Variants in SREK1IP1 observed in about 807,000 individuals in gnomAD.
The protein encoded by SREK1IP1 is SREK1 interacting protein 1.
A neutral mutation model predicts 22.8 loss-of-function variants in SREK1IP1; 12 were observed. That is an observed-to-expected ratio of 0.53 (90% confidence interval 0.34 to 0.85). The LOEUF (loss-of-function observed/expected upper bound fraction) is 0.85. Among genes scored for constraint, SREK1IP1 ranks in the 40% least tolerant of loss-of-function variants. The pLI is 0.02. For missense variants in SREK1IP1, 147 were observed against 171.8 expected (o/e 0.86, Z 0.81); for synonymous variants, 53 against 52.7 (o/e 1.01, Z -0.02).
intron 2 of SREK1IP1, among the ~76,000 whole-genome samples, chr5:64,745,030 C>T (rs1344552763): frequency 6.6e-6 from 1 of 152,132 alleles, no homozygotes; most frequent in African/African-American, 2.4e-5. Flanking sequence ...CTGCCATCCC[C>T]AGGGCTTGAA....
chr5:64,754,450 C>T, intron 1 of SREK1IP1, 88 bp from the exon 2 acceptor site: 1 of 1,324,718 alleles, frequency 7.5e-7, no homozygotes, highest in South Asian at 1.2e-5. Context: ...TAAGAAAAAC[C>T]ATTTGTTATA....
At chr5:64,742,196 T>C (rs1282434117) in intron 2 of SREK1IP1, among the ~76,000 whole-genome samples, 3 of 152,174 alleles carry the variant, frequency 2.0e-5, no homozygotes, top group African/African-American at 7.2e-5. Flanking sequence ...TGTTCTACTG[T>C]ATGAAAATTA....
chr5:64,759,378 G>C (rs1417611139), intron 1 of SREK1IP1, among the ~76,000 whole-genome samples: 1 of 152,086 alleles, frequency 6.6e-6, no homozygotes, highest in Non-Finnish European at 1.5e-5. Flanking sequence ...TCCCTGCCTT[G>C]GGCTCCCGTG....
At chr5:64,725,487 G>C (rs1742246832) in intron 4 of SREK1IP1, among the ~76,000 whole-genome samples, 1 of 152,134 alleles carries the variant, frequency 6.6e-6, no homozygotes, top group African/African-American at 2.4e-5. Context: ...ATCTGAGACG[G>C]ATATAAAGGA....
At chr5:64,743,312 T>G (rs1181232253) in intron 2 of SREK1IP1, among the ~76,000 whole-genome samples, 1 of 152,228 alleles carries the variant, frequency 6.6e-6, no homozygotes, top group Non-Finnish European at 1.5e-5. Flanking sequence ...TACAGGTTCA[T>G]AGCCTAGCAA....
rs1019277547 is a variant in SREK1IP1 at position 64,723,479 on chromosome 5, C to T, written c.*905G>A. 1 of 152,508 alleles carries T rather than the reference C, an allele frequency of 6.6e-6. No homozygotes were observed. Among genetic ancestry groups the T allele is most frequent in the Non-Finnish European group, 1.5e-5 (1 of 68,004 alleles). 9.4% of individuals were successfully genotyped at this position (152,508 alleles called of 1,614,324 possible). On this transcript the variant is annotated 3_prime_UTR_variant, in exon 5 of 5. Transcript: ENST00000513458. ...TTTCCACAGTACTCATAGAAACAAG[C>T]TTCATAAAATTTATACTGAATACAA...
chr5:64,723,769 T>C lies in SREK1IP1; in HGVS notation c.*615A>G, dbSNP rs1482138880. The C allele has an allele frequency of 2.0e-5, 3 of 152,558 alleles. No homozygotes were observed. Among genetic ancestry groups the C allele is most frequent in the African/African-American group, 4.8e-5 (2 of 41,446 alleles). 9.5% of individuals were successfully genotyped at this position (152,558 alleles called of 1,614,324 possible). A position where few individuals can be genotyped will look rare whatever the true frequency, so the allele number is the denominator to read the frequency against. On this transcript the variant is annotated 3_prime_UTR_variant, in exon 5 of 5. Transcript: ENST00000513458. ...CATTTCATAGAAGAGTAAAACTTTG[T>C]TAGAGATATTTTCATGATCATCTAC...
At chr5:64,747,561 A>C (rs1453806805) in intron 2 of SREK1IP1, among the ~76,000 whole-genome samples, 1 of 152,198 alleles carries the variant, frequency 6.6e-6, no homozygotes, top group Non-Finnish European at 1.5e-5. Flanking sequence ...TGTTGGCAAA[A>C]AGGTAGAGAA....
chr5:64,739,266 C>T (rs548664833), intron 3 of SREK1IP1, among the ~76,000 whole-genome samples: 29 of 152,252 alleles, frequency 1.9e-4, no homozygotes, highest in African/African-American at 6.7e-4. Flanking sequence ...AGAAAGTTCT[C>T]AGCCTTTAAC....
intron 2 of SREK1IP1, among the ~76,000 whole-genome samples, chr5:64,751,010 G>A (rs1354220617): frequency 6.6e-6 from 1 of 151,986 alleles, no homozygotes; most frequent in Admixed American, 6.6e-5. Context: ...GACTACATTG[G>A]CTTTCTCTAT....
chr5:64,757,946 T>C (rs1339107756), intron 1 of SREK1IP1, among the ~76,000 whole-genome samples: 1 of 134,918 alleles, frequency 7.4e-6, no homozygotes, highest in African/African-American at 2.7e-5. Flanking sequence ...CTCAGCTCAC[T>C]GCAAGCTTGG....
rs1054346993 is a variant in SREK1IP1, at chr5:64,726,432, C to T, written c.278+1675G>A. On this transcript the variant is annotated intron_variant, in intron 4 of 4. Coordinates refer to ENST00000513458, the MANE Select transcript of SREK1IP1 (RefSeq NM_173829.4). ...GTACTAAAAATACAAAAAAATTAGTCGGGCATGGTGGTGGGCACCTGTAGT... is the reference window on the plus strand; with the variant it reads ...GTACTAAAAATACAAAAAAATTAGTTGGGCATGGTGGTGGGCACCTGTAGT... Among the ~76,000 whole-genome samples, 14 of 151,730 alleles carry T rather than the reference C, an allele frequency of 9.2e-5. 1 individual carries two copies. Among genetic ancestry groups the T allele is most frequent in the South Asian group, 2.1e-4 (1 of 4,784 alleles).
intron 2 of SREK1IP1, among the ~76,000 whole-genome samples, chr5:64,753,589 T>G (rs1451161632): frequency 6.6e-6 from 1 of 152,208 alleles, no homozygotes. Context: ...CACATGTTCT[T>G]GCATGAACAT....
intron 2 of SREK1IP1, among the ~76,000 whole-genome samples, chr5:64,747,219 A>C (rs904697325): frequency 5.9e-5 from 9 of 152,174 alleles, no homozygotes; most frequent in African/African-American, 2.2e-4. Context: ...ACTGGTGATT[A>C]AATTCAATCT....
intron 4 of SREK1IP1, among the ~76,000 whole-genome samples, chr5:64,725,494 A>C (rs1561382309): frequency 6.6e-6 from 1 of 152,214 alleles, no homozygotes; most frequent in Admixed American, 6.5e-5. Context: ...ACGGATATAA[A>C]GGAGGTGCCA....
At chr5:64,739,817 C>T (rs747262337) in intron 3 of SREK1IP1, among the ~76,000 whole-genome samples, 1 of 152,144 alleles carries the variant, frequency 6.6e-6, no homozygotes, top group Non-Finnish European at 1.5e-5. Context: ...GATTCTCTCC[C>T]TCTTTTTCCT....
intron 3 of SREK1IP1, among the ~76,000 whole-genome samples, chr5:64,740,377 T>C (rs911857757): frequency 6.6e-6 from 1 of 152,142 alleles, no homozygotes. Flanking sequence ...CTGGAATCTA[T>C]AGATTTATGG....
chr5:64,764,126 C>G (rs1742996164), intron 1 of SREK1IP1, among the ~76,000 whole-genome samples: 1 of 134,006 alleles, frequency 7.5e-6, no homozygotes, highest in African/African-American at 3.3e-5. Context: ...CTAATAATAG[C>G]TGATGAGCTT....
At chr5:64,760,834 T>C (rs1012043617) in intron 1 of SREK1IP1, among the ~76,000 whole-genome samples, 2 of 152,216 alleles carry the variant, frequency 1.3e-5, no homozygotes, top group African/African-American at 2.4e-5. Flanking sequence ...TGTAAGGATA[T>C]AGATTGGTTA....
Sources: allele counts gnomAD v4.1 joint callset (sites outside exome capture counted in the v4.1 genomes callset), GRCh38; gene constraint gnomAD v4.1.1; transcripts MANE v1.5; gene names NCBI Gene and HGNC (gene_info 2026-07-23, HGNC 2026-07-21).